Variants in TMTC4 observed in about 807,000 individuals in gnomAD.
TMTC4 encodes the protein transmembrane O-mannosyltransferase targeting cadherins 4.
Under a neutral mutation model 86.0 loss-of-function variants are expected in TMTC4, and 65 were observed. The observed-to-expected ratio is 0.76, with a 90% CI of 0.62 to 0.93. TMTC4 has a LOEUF of 0.93. Among genes scored for constraint, TMTC4 ranks in the 40% least tolerant of loss-of-function variants. The probability of loss-of-function intolerance (pLI) is 0.00; values close to 1 mark genes in which losing one functional copy is unlikely to be tolerated. For synonymous variants in TMTC4, 379 were observed against 382.5 expected, an observed-to-expected ratio of 0.99 and a Z score of 0.11; for missense variants, 866 against 948.1, an observed-to-expected ratio of 0.91 and a Z score of 1.14.
At chr13:100,633,492 G>C (rs1881741171) in intron 12 of TMTC4, among the ~76,000 whole-genome samples, 1 of 152,070 alleles carries the variant, frequency 6.6e-6, no homozygotes, top group Non-Finnish European at 1.5e-5. Context: ...TGCCCAAAGA[G>C]GCACAGCTAG....
At chr13:100,643,951 A>G (rs973522047) in intron 6 of TMTC4, among the ~76,000 whole-genome samples, 3 of 152,242 alleles carry the variant, frequency 2.0e-5, no homozygotes, top group African/African-American at 7.2e-5. Flanking sequence ...GAAATTAACA[A>G]GTGTTTGTGT....
At chr13:100,656,792 C>T (rs1176891553) in intron 5 of TMTC4, among the ~76,000 whole-genome samples, 1 of 152,086 alleles carries the variant, frequency 6.6e-6, no homozygotes, top group African/African-American at 2.4e-5. Flanking sequence ...GATCCACCCA[C>T]CTCTGCTTCT....
rs1566652226 is a variant in TMTC4, at chr13:100,670,387, A to AG, written c.-26dup. Reference sequence around the variant, plus strand: ...TTCCATGGTGATGCTGTCCCCTTCCAGGGGCCAGAAGGAGGCTCAGATTTA... The same window carrying AG: ...TTCCATGGTGATGCTGTCCCCTTCCAGGGGGCCAGAAGGAGGCTCAGATTTA... On this transcript the variant is annotated 5_prime_UTR_variant, in exon 2 of 19. Transcript: ENST00000342624. 1 of 1,602,474 alleles carries AG rather than the reference A, an allele frequency of 6.2e-7. No individual in the cohort carries two copies. Among genetic ancestry groups the AG allele is most frequent in the Non-Finnish European group, 8.5e-7 (1 of 1,175,840 alleles).
rs746233966 is a variant in TMTC4 at position 100,625,520 on chromosome 13, G to A, written c.1836+15C>T. ...CCATCTTTCCTTCCACAGGCACAGG[G>A]CACCCCGCGCTTACCAGACGCCCGA... On this transcript the variant is annotated intron_variant, in intron 15 of 18. Coordinates refer to ENST00000342624, the MANE Select transcript of TMTC4 (RefSeq NM_032813.5). The A allele has an allele frequency of 6.2e-7, 1 of 1,612,752 alleles. No individual in the cohort carries two copies. The highest frequency in any genetic ancestry group is 1.1e-5 in the South Asian group (1 of 91,074).
chr13:100,645,179 C>T (rs928877927), intron 6 of TMTC4, among the ~76,000 whole-genome samples: 3 of 152,142 alleles, frequency 2.0e-5, no homozygotes, highest in Admixed American at 6.5e-5. Flanking sequence ...CTCTTCTGAC[C>T]GTGGCTTTAA....
At chr13:100,608,968 C>T (rs754782817) in intron 17 of TMTC4, among the ~76,000 whole-genome samples, 3 of 152,124 alleles carry the variant, frequency 2.0e-5, no homozygotes, top group African/African-American at 4.8e-5. Flanking sequence ...CCTGGGTGGG[C>T]GGAGGTCATT....
intron 7 of TMTC4, among the ~76,000 whole-genome samples, chr13:100,640,736 C>T (rs150244131): frequency 1.3e-5 from 2 of 150,620 alleles, no homozygotes; most frequent in African/African-American, 2.4e-5. Context: ...GTGGGAGGAT[C>T]GTTGAGGCTG....
intron 6 of TMTC4, among the ~76,000 whole-genome samples, chr13:100,652,641 G>T (rs1884604516): frequency 6.6e-6 from 1 of 152,054 alleles, no homozygotes. Context: ...GAAGATGAAG[G>T]AAGTAAGTAG....
intron 5 of TMTC4, among the ~76,000 whole-genome samples, chr13:100,658,762 C>G (rs913606464): frequency 6.6e-6 from 1 of 152,142 alleles, no homozygotes; most frequent in South Asian, 2.1e-4. Context: ...GACCATCCCA[C>G]GACTTTGAGC....
Position 100,605,099 on chromosome 13 carries a change from T to C in TMTC4, c.2178A>G (p.Lys726=). ...HRWGHLDLAK[K]HYEISLQLDP... is the part of the protein sequence containing the mutation. ...CAAGCTGCAAGGAGATTTCATAGTG[T>C]TTCTTGGCCAAGTCTAGATGTCCCC... is the stretch of plus-strand genomic sequence containing the variant. Residue 726 remains lysine (K), a synonymous_variant, in exon 19 of 19, where the codon AAA becomes AAG. Transcript: ENST00000342624. This position sits in a 1 kb window ranked among gnomAD's most constrained non-coding sequence, Gnocchi z 4.3. The C allele has an allele frequency of 1.9e-6, 3 of 1,613,826 alleles. No individual in the cohort carries two copies. Among genetic ancestry groups the C allele is most frequent in the Non-Finnish European group, 2.5e-6 (3 of 1,179,924 alleles).
chr13:100,648,342 T>C (rs9513776), intron 6 of TMTC4, among the ~76,000 whole-genome samples: 28,827 of 152,192 alleles, frequency 0.19, 3,114 homozygotes, highest in Middle Eastern at 0.26. Flanking sequence ...AAAAAAAATG[T>C]GAACATTTTC....
intron 7 of TMTC4, among the ~76,000 whole-genome samples, chr13:100,641,519 C>T (rs1225523842): frequency 6.6e-6 from 1 of 150,706 alleles, no homozygotes; most frequent in African/African-American, 2.4e-5. Flanking sequence ...TGTAGTTTTG[C>T]TGTTGTTGTC....
chr13:100,642,222 T>C lies in TMTC4; in HGVS notation c.730A>G (p.Ile244Val). The change falls in exon 7 of 19, where the codon ATC becomes GTC. Residue 244 changes from isoleucine to valine, a missense_variant. Coordinates refer to ENST00000342624, the MANE Select transcript of TMTC4 (RefSeq NM_032813.5). ...GTTGCGGCTCTCACCAGCACAGTGA[T>C]CCCTTGCTCTTTGCACAGCATGGCC... ...AVAMLCKEQG[I>V]TVLGLNAVFD... 1 of 1,614,142 alleles carries C rather than the reference T, an allele frequency of 6.2e-7. No homozygotes were observed. The highest frequency in any genetic ancestry group is 8.5e-7 in the Non-Finnish European group (1 of 1,180,020).
At chr13:100,619,522 T>C (rs772432929) in intron 15 of TMTC4, among the ~76,000 whole-genome samples, 1 of 152,238 alleles carries the variant, frequency 6.6e-6, no homozygotes, top group Non-Finnish European at 1.5e-5. Context: ...CCTTACTTAC[T>C]GGCAAGTCTG....
intron 15 of TMTC4, chr13:100,624,013 C>A (rs1462932792): frequency 3.3e-6 from 1 of 299,898 alleles, no homozygotes; most frequent in African/African-American, 2.2e-5. Context: ...AGGCCAGTCA[C>A]CTACTTGTTA....
intron 6 of TMTC4, among the ~76,000 whole-genome samples, chr13:100,655,210 T>A (rs934344858): frequency 1.3e-5 from 2 of 151,958 alleles, no homozygotes; most frequent in Non-Finnish European, 2.9e-5. Context: ...TTAGTAGAGA[T>A]GAGGGTTTCA....
chr13:100,610,775 C>T lies in TMTC4; in HGVS notation c.2064+1623G>A, dbSNP rs147580488. ...TGGGATGACAGAAAAATCAATACAA[C>T]GATTATATAAGCCAAGTCTTCAAGA... On this transcript the variant is annotated intron_variant, in intron 17 of 18. Transcript: ENST00000342624. Among the ~76,000 whole-genome samples the T allele has an allele frequency of 9.2e-5, 14 of 152,264 alleles. No homozygotes were observed. The East Asian group carries it at 1.9e-3, about 21-fold the overall frequency.
chr13:100,669,382 G>C (rs1886790537), intron 2 of TMTC4, among the ~76,000 whole-genome samples: 1 of 152,066 alleles, frequency 6.6e-6, no homozygotes, highest in African/African-American at 2.4e-5. Context: ...TGGGTTCCTA[G>C]GCTACTGGCT....
At chr13:100,673,221 A>C (rs145264960) in intron 1 of TMTC4, 2 of 767,334 alleles carry the variant, frequency 2.6e-6, no homozygotes, top group African/African-American at 3.8e-5. Context: ...GGACCCCAGA[A>C]AAACAAATGT....
Sources: allele counts gnomAD v4.1 joint callset (sites outside exome capture counted in the v4.1 genomes callset), GRCh38; gene constraint gnomAD v4.1.1; non-coding constraint Gnocchi (gnomAD v3.1); transcripts MANE v1.5; gene names NCBI Gene and HGNC (gene_info 2026-07-23, HGNC 2026-07-21).